SLC9A9: variants seen among roughly 807,000 people sequenced by gnomAD.
SLC9A9 encodes the protein solute carrier family 9 member A9.
SLC9A9 carries 62 observed loss-of-function variants against 77.8 expected under a neutral mutation model. That is an observed-to-expected ratio of 0.80 (90% CI 0.65 to 0.98). The LOEUF is 0.98. SLC9A9 is among the 50% of genes least tolerant of loss of function. The probability of loss-of-function intolerance (pLI) is 0.00; values close to 1 mark genes in which losing one functional copy is unlikely to be tolerated. For synonymous variants in SLC9A9, 320 were observed against 283.5 expected (o/e 1.13, Z -1.29); for missense variants, 775 against 774.9 (o/e 1.00, Z 0.00).
intron 5 of SLC9A9, among the ~76,000 whole-genome samples, chr3:143,661,435 C>T (rs955992044): frequency 6.6e-6 from 1 of 152,168 alleles, no homozygotes; most frequent in African/African-American, 2.4e-5. Flanking sequence ...TGGGTTTCCA[C>T]ACTGCTCGAC....
At chr3:143,792,197 A>C (rs556310841) in intron 4 of SLC9A9, among the ~76,000 whole-genome samples, 2 of 152,220 alleles carry the variant, frequency 1.3e-5, no homozygotes, top group Non-Finnish European at 2.9e-5. Flanking sequence ...CAAGCACTCC[A>C]TAAATTGTTG....
intron 5 of SLC9A9, among the ~76,000 whole-genome samples, chr3:143,690,716 T>C (rs769324634): frequency 3.3e-5 from 5 of 152,052 alleles, no homozygotes; most frequent in Non-Finnish European, 5.9e-5. Flanking sequence ...TTTTAGGAGG[T>C]CATCTCATTG....
At chr3:143,324,409 G>A (rs1046393751) in intron 14 of SLC9A9, among the ~76,000 whole-genome samples, 2 of 152,196 alleles carry the variant, frequency 1.3e-5, no homozygotes, top group Admixed American at 6.5e-5. Context: ...TCTTACTAGT[G>A]TGTGACCTAG....
chr3:143,748,190 C>T lies in SLC9A9; in HGVS notation c.533+46811G>A, dbSNP rs532527448. On this transcript the variant is annotated intron_variant, in intron 4 of 15. Coordinates refer to ENST00000316549, the MANE Select transcript of SLC9A9 (RefSeq NM_173653.4). Reference sequence around the variant, plus strand: ...GTATAGAACATGTTTCTTTAGCTGTCTGGTGACTTGCCGTAGAACTTTAGA... The same window carrying T: ...GTATAGAACATGTTTCTTTAGCTGTTTGGTGACTTGCCGTAGAACTTTAGA... Among the ~76,000 whole-genome samples, 39 of 152,306 alleles carry T rather than the reference C, an allele frequency of 2.6e-4. No homozygotes were observed. In the South Asian group the frequency reaches 7.1e-3, roughly 28 times the overall value.
At chr3:143,303,248 G>C (rs971516531) in intron 14 of SLC9A9, among the ~76,000 whole-genome samples, 2 of 152,254 alleles carry the variant, frequency 1.3e-5, no homozygotes, top group African/African-American at 4.8e-5. Context: ...TTGTGTTGGG[G>C]CTGGGGAGGG....
At chr3:143,547,726 A>T (rs1323236291) in intron 9 of SLC9A9, among the ~76,000 whole-genome samples, 1 of 152,062 alleles carries the variant, frequency 6.6e-6, no homozygotes, top group Non-Finnish European at 1.5e-5. Flanking sequence ...ACTTTTTTTC[A>T]AATATCACCT....
At chr3:143,493,567 A>C (rs1269975184) in intron 11 of SLC9A9, 86 bp downstream of exon 11, 1 of 1,224,756 alleles carries the variant, frequency 8.2e-7, no homozygotes, top group Admixed American at 1.7e-5. Context: ...TTTCCCCAAA[A>C]GGGTTCTAAA....
At chr3:143,573,945 A>G in intron 8 of SLC9A9, 143 bp downstream of exon 8, 1 of 713,734 alleles carries the variant, frequency 1.4e-6, no homozygotes, top group Non-Finnish European at 2.5e-6. Flanking sequence ...CGTACCCAAG[A>G]GAGGCTGATT....
chr3:143,769,110 T>A (rs1252300611), intron 4 of SLC9A9, among the ~76,000 whole-genome samples: 1 of 152,164 alleles, frequency 6.6e-6, no homozygotes, highest in East Asian at 1.9e-4. Flanking sequence ...GATAAACATA[T>A]GTAAAATACT....
intron 6 of SLC9A9, among the ~76,000 whole-genome samples, chr3:143,615,799 G>A (rs1263575605): frequency 6.6e-6 from 1 of 152,058 alleles, no homozygotes; most frequent in Non-Finnish European, 1.5e-5. Flanking sequence ...TGCTCAGGGA[G>A]ATTAGGCACC....
At chr3:143,782,416 C>T (rs2007910880) in intron 4 of SLC9A9, among the ~76,000 whole-genome samples, 1 of 152,154 alleles carries the variant, frequency 6.6e-6, no homozygotes, top group Non-Finnish European at 1.5e-5. Context: ...CTCCTGGTGC[C>T]ACTGATGCTG....
At chr3:143,593,179 G>C (rs898587204) in intron 6 of SLC9A9, among the ~76,000 whole-genome samples, 1 of 152,184 alleles carries the variant, frequency 6.6e-6, no homozygotes, top group African/African-American at 2.4e-5. Flanking sequence ...CCAGAAGGAG[G>C]AGTTGGTACA....
intron 8 of SLC9A9, among the ~76,000 whole-genome samples, chr3:143,572,814 T>G (rs148484048): frequency 8.6e-4 from 131 of 152,262 alleles, no homozygotes; most frequent in African/African-American, 3.0e-3. Flanking sequence ...ATTAAAGCAA[T>G]AGGTTCTCAT....
intron 12 of SLC9A9, among the ~76,000 whole-genome samples, chr3:143,445,625 G>A (rs987689271): frequency 6.6e-6 from 1 of 152,150 alleles, no homozygotes; most frequent in African/African-American, 2.4e-5. Flanking sequence ...GCAGAGTCAA[G>A]CAGATCTGTA....
rs1219720275 is a variant in SLC9A9 at position 143,695,460 on chromosome 3, T to C, written c.534-2153A>G. ...GTTTGGTTTTCTGTTCCTGTGTTAG[T>C]TTGCTGAGAATGATGGTTTCCAGCT... is the stretch of plus-strand genomic sequence containing the variant. On this transcript the variant is annotated intron_variant, in intron 4 of 15. Transcript: ENST00000316549. 5.3e-5 allele frequency among the ~76,000 whole-genome samples: 8 copies of C among 152,280 alleles called. 1 individual carries two copies. In the South Asian group the frequency reaches 1.2e-3, roughly 24 times the overall value.
At chr3:143,663,687 C>G (rs76950090) in intron 5 of SLC9A9, among the ~76,000 whole-genome samples, 5 of 151,920 alleles carry the variant, frequency 3.3e-5, no homozygotes, top group Non-Finnish European at 1.5e-5. Context: ...TTTCAGTAGC[C>G]GATTCCATCA....
At chr3:143,647,855 T>C (rs2038730031) in intron 6 of SLC9A9, among the ~76,000 whole-genome samples, 1 of 152,216 alleles carries the variant, frequency 6.6e-6, no homozygotes, top group African/African-American at 2.4e-5. Context: ...TTTTGATTTA[T>C]CAACTTTAGA....
intron 6 of SLC9A9, among the ~76,000 whole-genome samples, chr3:143,650,306 C>T (rs774705473): frequency 2.6e-5 from 4 of 152,104 alleles, no homozygotes; most frequent in Non-Finnish European, 5.9e-5. Flanking sequence ...AAATGGTTGG[C>T]AGAGAGTGTG....
At chr3:143,339,740 T>G (rs2032040599) in intron 14 of SLC9A9, among the ~76,000 whole-genome samples, 1 of 152,174 alleles carries the variant, frequency 6.6e-6, no homozygotes, top group Admixed American at 6.5e-5. Context: ...TCTACTCTGA[T>G]AGTTTCTTTT....
Sources: allele counts gnomAD v4.1 joint callset (sites outside exome capture counted in the v4.1 genomes callset), GRCh38; gene constraint gnomAD v4.1.1; transcripts MANE v1.5; gene names NCBI Gene and HGNC (gene_info 2026-07-23, HGNC 2026-07-21).